The following LRTM3 variants were observed in gnomAD, a reference collection of about 807,000 sequenced individuals.
LRTM3 encodes leucine-rich repeat transmembrane protein 3.
the LRTM3 span, chr13:102,749,187 C>T: frequency 6.4e-7 from 1 of 1,550,520 alleles, no homozygotes. Flanking sequence ...ATTTGAAATA[C>T]TTGTGAAGTT....
At chr13:102,748,958 T>C in the LRTM3 span, 1 of 1,550,710 alleles carries the variant, frequency 6.4e-7, no homozygotes, top group Non-Finnish European at 8.7e-7. Context: ...TGGTGACTTA[T>C]TTTGCTTCTG....
the LRTM3 span, chr13:102,747,106 T>C: frequency 7.7e-3 from 11,907 of 1,551,038 alleles, 62 homozygotes; most frequent in Non-Finnish European, 9.5e-3. Context: ...CATCTTGCAA[T>C]TTAGCATCTA....
At chr13:102,732,944 G>C in the LRTM3 span, 1 of 1,551,396 alleles carries the variant, frequency 6.4e-7, no homozygotes, top group Middle Eastern at 1.7e-4. Flanking sequence ...TAGGGACTTC[G>C]GAAGAAATTC....
chr13:102,739,855 A>G, the LRTM3 span: 72 of 1,550,048 alleles, frequency 4.6e-5, no homozygotes, highest in Admixed American at 2.7e-4. Flanking sequence ...CACTCATTCT[A>G]TGTTTCACAT....
chr13:102,742,944 C>G, the LRTM3 span: 1 of 1,547,620 alleles, frequency 6.5e-7, no homozygotes, highest in African/African-American at 1.4e-5. Context: ...CTTGCGAGCC[C>G]AACTTTGAGA....
chr13:102,739,331 G>A, the LRTM3 span: 2 of 1,548,930 alleles, frequency 1.3e-6, no homozygotes, highest in Non-Finnish European at 1.7e-6. Context: ...CTTTTTCTGT[G>A]GAAAACACTT....
the LRTM3 span, chr13:102,745,237 C>T: frequency 6.4e-7 from 1 of 1,550,882 alleles, no homozygotes. Flanking sequence ...ACAATGCCTC[C>T]TGTTTCCTTT....
the LRTM3 span, chr13:102,743,837 T>G: frequency 6.4e-7 from 1 of 1,550,540 alleles, no homozygotes; most frequent in Non-Finnish European, 8.7e-7. Flanking sequence ...AATTTCTTTT[T>G]CTGATAACTG....
At chr13:102,747,086 C>A in the LRTM3 span, 1 of 1,550,846 alleles carries the variant, frequency 6.4e-7, no homozygotes, top group Non-Finnish European at 8.7e-7. Context: ...TTCTTTGACG[C>A]CTTTTACTTC....
At chr13:102,731,010 T>C in the LRTM3 span, 1 of 1,551,514 alleles carries the variant, frequency 6.4e-7, no homozygotes, top group Non-Finnish European at 8.7e-7. Context: ...GGAAAGGCTT[T>C]CATTTGTATC....
At chr13:102,734,320 T>C in the LRTM3 span, 2 of 1,551,288 alleles carry the variant, frequency 1.3e-6, no homozygotes, top group African/African-American at 1.4e-5. Flanking sequence ...TTAGTGGAAG[T>C]ACAAAGGATG....
chr13:102,733,137 T>C, the LRTM3 span: 1 of 1,551,484 alleles, frequency 6.4e-7, no homozygotes, highest in South Asian at 1.2e-5. Flanking sequence ...AGGGGAAACT[T>C]AGAAAGGATA....
chr13:102,734,537 G>A, the LRTM3 span: 1 of 1,551,162 alleles, frequency 6.4e-7, no homozygotes, highest in Non-Finnish European at 8.7e-7. Flanking sequence ...TGACTTCTTT[G>A]ACTTCAAAGT....
At chr13:102,751,905 T>C in the LRTM3 span, among the ~76,000 whole-genome samples, 1 of 152,128 alleles carries the variant, frequency 6.6e-6, no homozygotes, top group Admixed American at 6.6e-5. Flanking sequence ...CTGACCATGA[T>C]GGGATGGGAG....
At chr13:102,747,833 T>C in the LRTM3 span, 9 of 1,551,310 alleles carry the variant, frequency 5.8e-6, no homozygotes, top group Admixed American at 2.0e-5. Flanking sequence ...GACTTCTTGC[T>C]CTTTATTTGG....
chr13:102,755,403 A>G, the LRTM3 span, among the ~76,000 whole-genome samples: 8 of 152,154 alleles, frequency 5.3e-5, no homozygotes, highest in Admixed American at 4.6e-4. Flanking sequence ...ACCAACCCAA[A>G]TGCTCATCAA....
At chr13:102,730,457 A>G in the LRTM3 span, 1 of 1,551,382 alleles carries the variant, frequency 6.4e-7, no homozygotes, top group Non-Finnish European at 8.7e-7. Flanking sequence ...CTGGGTCCTT[A>G]AATCAACAGA....
At chr13:102,751,487 C>A in the LRTM3 span, among the ~76,000 whole-genome samples, 2 of 151,978 alleles carry the variant, frequency 1.3e-5, no homozygotes, top group East Asian at 3.9e-4. Context: ...ACTGTGGAAT[C>A]TGACGTTTTG....
At chr13:102,747,250 AG>A in the LRTM3 span, 1 of 1,550,042 alleles carries the variant, frequency 6.5e-7, no homozygotes, top group Admixed American at 2.0e-5. Context: ...TTCTAGTATT[AG>A]GCAAAATAGA....
Sources: gnomAD v4.1 joint callset for allele counts (sites outside exome capture counted in the v4.1 genomes callset) on GRCh38, gnomAD v4.1.1 for gene constraint, MANE v1.5 for transcripts, NCBI Gene and HGNC (gene_info 2026-07-23, HGNC 2026-07-21) for gene names.